MALRD1: variants seen among roughly 807,000 people sequenced by gnomAD.
MALRD1 encodes the protein MAM and LDL receptor class A domain containing 1, also known as MAM and LDL-receptor class A domain-containing protein 1.
MALRD1 carries 247 observed loss-of-function variants against 242.1 expected under a neutral mutation model. The observed-to-expected ratio is 1.02, with a 90% CI of 0.92 to 1.13. The LOEUF (loss-of-function observed/expected upper bound fraction) is 1.13, where lower values mean the gene tolerates loss of function less well. Among genes scored for constraint, MALRD1 ranks in the 50% most tolerant of loss-of-function variants. The pLI, the probability that MALRD1 is intolerant of heterozygous loss-of-function variation, is 0.00. For synonymous variants in MALRD1, 995 were observed against 866.6 expected (o/e 1.15, Z -2.60); for missense variants, 2,989 against 2,533.1 (o/e 1.18, Z -3.86).
At chr10:19,517,281 C>T (rs1833678577) in intron 31 of MALRD1, among the ~76,000 whole-genome samples, 1 of 152,088 alleles carries the variant, frequency 6.6e-6, no homozygotes, top group Non-Finnish European at 1.5e-5. Flanking sequence ...GGGAAACATT[C>T]CAGGCCAATG....
intron 21 of MALRD1, among the ~76,000 whole-genome samples, chr10:19,296,258 G>A (rs1841694026): frequency 6.6e-6 from 1 of 151,996 alleles, no homozygotes; most frequent in Non-Finnish European, 1.5e-5. Context: ...CTGTACTTTT[G>A]TTACACTTTT....
At chr10:19,614,620 G>GA (rs1839054475) in intron 35 of MALRD1, among the ~76,000 whole-genome samples, 1 of 152,126 alleles carries the variant, frequency 6.6e-6, no homozygotes, top group South Asian at 2.1e-4. Context: ...CAGTTCATAT[G>GA]AACACAACAT....
chr10:19,270,716 T>A (rs140865614), intron 19 of MALRD1, among the ~76,000 whole-genome samples: 1 of 151,894 alleles, frequency 6.6e-6, no homozygotes, highest in African/African-American at 2.4e-5. Context: ...AGGACAGATA[T>A]AATTTTCAGA....
intron 34 of MALRD1, among the ~76,000 whole-genome samples, chr10:19,601,596 G>C (rs1838344238): frequency 6.6e-6 from 1 of 151,810 alleles, no homozygotes; most frequent in Admixed American, 6.6e-5. Flanking sequence ...AACTTTCTAA[G>C]AAAAAAGTAA....
At chr10:19,334,141 T>TTTG (rs1491269873) in intron 24 of MALRD1, among the ~76,000 whole-genome samples, 1 of 147,198 alleles carries the variant, frequency 6.8e-6, no homozygotes, top group East Asian at 2.0e-4. Context: ...TTTTTTTTTT[T>TTTG]TCTGTGCAGA....
intron 24 of MALRD1, among the ~76,000 whole-genome samples, chr10:19,346,020 T>C (rs1844104016): frequency 6.6e-6 from 1 of 152,038 alleles, no homozygotes; most frequent in Non-Finnish European, 1.5e-5. Context: ...CCTAGCATCA[T>C]GTGATCCTCC....
chr10:19,124,661 G>T lies in MALRD1; in HGVS notation c.934G>T (p.Asp312Tyr). ...CACACCTCAGCAGGATCAAGGAGGT[G>T]ATGATGAAGGTAGAAAAAAAAATAA... ...ESTPQQDQGG[D>Y]DEGYYVWVGA... Residue 312 changes from aspartate (D) to tyrosine (Y), a missense_variant, in exon 7 of 40, where the codon GAT (aspartate) becomes TAT (tyrosine). Asp to Tyr is a radical substitution (Grantham distance 160). Coordinates refer to ENST00000454679, the MANE Select transcript of MALRD1 (RefSeq NM_001142308.3). The T allele has an allele frequency of 8.1e-7, 1 of 1,233,652 alleles. No homozygotes were observed. The allele number at this position is 1,233,652 out of a possible 1,614,324, so 76.4% of individuals were successfully genotyped here. A position where few individuals can be genotyped will look rare whatever the true frequency, so the allele number is the denominator to read the frequency against.
chr10:19,339,638 T>C (rs1162817741), intron 24 of MALRD1, among the ~76,000 whole-genome samples: 2 of 152,218 alleles, frequency 1.3e-5, no homozygotes, highest in Non-Finnish European at 2.9e-5. Flanking sequence ...ATAAGTCATC[T>C]GTATCATGAT....
intron 21 of MALRD1, among the ~76,000 whole-genome samples, chr10:19,315,933 T>G (rs1335858571): frequency 6.7e-6 from 1 of 150,048 alleles, no homozygotes; most frequent in Non-Finnish European, 1.5e-5. Flanking sequence ...AGTATACTGT[T>G]ATACTAAATT....
chr10:19,247,652 G>A (rs1839121609), intron 18 of MALRD1, among the ~76,000 whole-genome samples: 1 of 151,714 alleles, frequency 6.6e-6, no homozygotes, highest in Non-Finnish European at 1.5e-5. Context: ...ATTTCCACAT[G>A]TAAATAATAA....
intron 35 of MALRD1, among the ~76,000 whole-genome samples, chr10:19,612,798 A>G (rs1377209993): frequency 6.6e-6 from 1 of 151,898 alleles, no homozygotes; most frequent in Non-Finnish European, 1.5e-5. Flanking sequence ...ACCAGATCTC[A>G]TGAGAACTCT....
intron 5 of MALRD1, among the ~76,000 whole-genome samples, chr10:19,123,078 G>A (rs952371325): frequency 6.6e-6 from 1 of 152,104 alleles, no homozygotes; most frequent in Non-Finnish European, 1.5e-5. Flanking sequence ...GCAGTTCCAG[G>A]GAAGATCCAC....
intron 21 of MALRD1, among the ~76,000 whole-genome samples, chr10:19,317,988 G>T (rs141495570): frequency 6.8e-4 from 104 of 152,108 alleles, no homozygotes; most frequent in African/African-American, 2.4e-3. Flanking sequence ...ATTAGAAAAA[G>T]ATATGCTTCT....
intron 4 of MALRD1, among the ~76,000 whole-genome samples, chr10:19,095,936 G>A (rs1312987829): frequency 6.6e-6 from 1 of 152,128 alleles, no homozygotes; most frequent in Non-Finnish European, 1.5e-5. Context: ...CTCCGTTCTT[G>A]CAGATATTTA....
chr10:19,237,560 A>G (rs1317939057), intron 18 of MALRD1, among the ~76,000 whole-genome samples: 2 of 120,554 alleles, frequency 1.7e-5, no homozygotes, highest in Non-Finnish European at 3.4e-5. Context: ...TTATAATTAC[A>G]CATAAAATTA....
intron 18 of MALRD1, among the ~76,000 whole-genome samples, chr10:19,237,618 AAT>A (rs1838399876): frequency 3.6e-5 from 1 of 27,780 alleles, no homozygotes; most frequent in African/African-American, 1.9e-4. Context: ...ATAATTATAT[AAT>A]TATATAATTA....
intron 36 of MALRD1, among the ~76,000 whole-genome samples, chr10:19,655,289 G>A (rs993965268): frequency 3.3e-5 from 5 of 151,812 alleles, no homozygotes; most frequent in African/African-American, 1.2e-4. Flanking sequence ...GAGAAAAAGG[G>A]TCTGTTTCTA....
At chr10:19,100,220 T>A (rs926385438) in intron 4 of MALRD1, among the ~76,000 whole-genome samples, 2 of 152,122 alleles carry the variant, frequency 1.3e-5, no homozygotes, top group East Asian at 3.9e-4. Context: ...CATAGACACA[T>A]TGGTAAATTT....
At chr10:19,703,831 G>C (rs891121995) in intron 38 of MALRD1, among the ~76,000 whole-genome samples, 2 of 152,128 alleles carry the variant, frequency 1.3e-5, no homozygotes, top group Admixed American at 1.3e-4. Flanking sequence ...GGAAGCGGAG[G>C]TTGCAGTGAG....
Sources: allele counts gnomAD v4.1 joint callset (sites outside exome capture counted in the v4.1 genomes callset), GRCh38; gene constraint gnomAD v4.1.1; transcripts MANE v1.5; gene names NCBI Gene and HGNC (gene_info 2026-07-23, HGNC 2026-07-21).